Variants in CHL1 observed in about 807,000 individuals in gnomAD.
CHL1 encodes cell adhesion molecule L1 like, also known as neural cell adhesion molecule L1-like protein.
In CHL1, 96 loss-of-function variants were observed where a neutral mutation model predicts 141.9. That is an observed-to-expected ratio of 0.68 (90% confidence interval 0.57 to 0.80). The LOEUF is 0.80. Ranked by LOEUF, CHL1 falls within the 30% of genes least tolerant of loss-of-function variation. The pLI, the probability that CHL1 is intolerant of heterozygous loss-of-function variation, is 0.00. For synonymous variants in CHL1, 613 were observed against 502.2 expected (o/e 1.22, Z -2.95); for missense variants, 1,820 against 1,457.2 (o/e 1.25, Z -4.05).
chr3:307,136 G>A (rs1463796136), intron 2 of CHL1, among the ~76,000 whole-genome samples: 2 of 152,072 alleles, frequency 1.3e-5, no homozygotes, highest in Non-Finnish European at 2.9e-5. Context: ...ACTTTTTATA[G>A]GTATCAATAT....
intron 2 of CHL1, among the ~76,000 whole-genome samples, chr3:257,461 C>A (rs1333540518): frequency 6.6e-6 from 1 of 151,466 alleles, no homozygotes; most frequent in East Asian, 1.9e-4. Context: ...TCAAGCAATT[C>A]CCCTGCCTCA....
At chr3:312,315 T>C (rs1699820346) in intron 2 of CHL1, among the ~76,000 whole-genome samples, 1 of 152,222 alleles carries the variant, frequency 6.6e-6, no homozygotes, top group African/African-American at 2.4e-5. Flanking sequence ...AGTTCTTTTG[T>C]CGTGTCACTG....
intron 2 of CHL1, among the ~76,000 whole-genome samples, chr3:262,509 A>G (rs1321071961): frequency 7.9e-6 from 1 of 126,144 alleles, no homozygotes. Context: ...TCACACGTTT[A>G]AGCCTAGATC....
Position 322,662 on chromosome 3 carries a change from AT to A in CHL1, c.91+2796del, listed in dbSNP as rs1559252897. On this transcript the variant is annotated intron_variant, in intron 3 of 27. Transcript: ENST00000256509. ...ATATATAAAATATATATATATATAT[AT>A]ATATATAATTATATATATATATATA... Among the ~76,000 whole-genome samples, 922 of 138,912 alleles carry A rather than the reference AT, an allele frequency of 6.6e-3. 8 individuals are homozygous for A. The highest frequency in any genetic ancestry group is 0.023 in the African/African-American group (861 of 36,770). 91.1% of individuals were successfully genotyped at this position (138,912 alleles called of 152,430 possible).
In CHL1 at chr3:226,757, A is replaced by G. The variant is rs976286453; in HGVS notation, c.-174-17856A>G. Among the ~76,000 whole-genome samples the G allele has an allele frequency of 2.6e-5, 4 of 151,938 alleles. No homozygotes were observed. In the East Asian group the frequency reaches 5.8e-4, roughly 22 times the overall value. On this transcript the variant is annotated intron_variant, in intron 1 of 27. Coordinates refer to ENST00000256509, the MANE Select transcript of CHL1 (RefSeq NM_006614.4). ...CCACCGCGCCCGACCTGTAGTACCT[A>G]TATTTTTTATTTTTCTCCAATCTTT...
chr3:213,008 G>T (rs1363872903), intron 1 of CHL1, among the ~76,000 whole-genome samples: 1 of 152,136 alleles, frequency 6.6e-6, no homozygotes, highest in African/African-American at 2.4e-5. Flanking sequence ...AGTGTCAACG[G>T]CAAACAATGA....
At chr3:239,055 G>A (rs2125079564) in intron 1 of CHL1, among the ~76,000 whole-genome samples, 1 of 152,244 alleles carries the variant, frequency 6.6e-6, no homozygotes, top group African/African-American at 2.4e-5. Context: ...ACCACGTGGG[G>A]TACTGTGTGA....
intron 2 of CHL1, among the ~76,000 whole-genome samples, chr3:284,263 C>T (rs1261854561): frequency 6.6e-6 from 1 of 152,096 alleles, no homozygotes. Context: ...TCTGAGGTGA[C>T]ATTTAAGGTG....
intron 2 of CHL1, among the ~76,000 whole-genome samples, chr3:305,297 A>G (rs1252312895): frequency 6.6e-6 from 1 of 152,172 alleles, no homozygotes; most frequent in Non-Finnish European, 1.5e-5. Flanking sequence ...TTCAATGACG[A>G]CAGTATTATC....
At chr3:266,472 G>T (rs1695162512) in intron 2 of CHL1, among the ~76,000 whole-genome samples, 1 of 152,118 alleles carries the variant, frequency 6.6e-6, no homozygotes, top group Non-Finnish European at 1.5e-5. Flanking sequence ...AGTTTCTTTG[G>T]AATTAATAAA....
chr3:320,392 T>C (rs150648440), intron 3 of CHL1, among the ~76,000 whole-genome samples: 2 of 152,036 alleles, frequency 1.3e-5, no homozygotes, highest in African/African-American at 4.8e-5. Flanking sequence ...TAGTGTGAAT[T>C]CATATTAAGA....
At chr3:226,436 TTTA>T (rs1314064305) in intron 1 of CHL1, among the ~76,000 whole-genome samples, 4 of 147,540 alleles carry the variant, frequency 2.7e-5, no homozygotes, top group Admixed American at 6.8e-5. Flanking sequence ...ATTTTTTAAT[TTTA>T]TTATTATTAT....
At chr3:257,327 C>G (rs1694261670) in intron 2 of CHL1, among the ~76,000 whole-genome samples, 3 of 151,594 alleles carry the variant, frequency 2.0e-5, no homozygotes. Context: ...ATTTTTAACA[C>G]CATCTCCTTT....
At chr3:318,256 C>T (rs1035654779) in intron 2 of CHL1, among the ~76,000 whole-genome samples, 4 of 151,754 alleles carry the variant, frequency 2.6e-5, no homozygotes, top group South Asian at 2.1e-4. Context: ...AGATACAGGT[C>T]TATAATATCT....
At chr3:214,485 T>G (rs1032738708) in intron 1 of CHL1, among the ~76,000 whole-genome samples, 7 of 152,226 alleles carry the variant, frequency 4.6e-5, no homozygotes, top group Admixed American at 6.5e-5. Flanking sequence ...GAGACATCAG[T>G]GTTACGTGCT....
At chr3:234,545 A>C (rs181204583) in intron 1 of CHL1, among the ~76,000 whole-genome samples, 86 of 152,290 alleles carry the variant, frequency 5.6e-4, no homozygotes, top group Non-Finnish European at 9.7e-4. Flanking sequence ...AGTGATATTT[A>C]AAGGAAAACA....
At chr3:345,164 A>G (rs1394294243) in intron 9 of CHL1, among the ~76,000 whole-genome samples, 3 of 152,126 alleles carry the variant, frequency 2.0e-5, no homozygotes, top group Admixed American at 2.0e-4. Context: ...GATGATGATA[A>G]CATTCTCCTT....
At chr3:338,228 A>G (rs1702086630) in intron 5 of CHL1, among the ~76,000 whole-genome samples, 1 of 152,236 alleles carries the variant, frequency 6.6e-6, no homozygotes, top group African/African-American at 2.4e-5. Context: ...AGTCTTGTTG[A>G]AACAAAGTTA....
intron 1 of CHL1, among the ~76,000 whole-genome samples, chr3:233,592 T>C (rs983581719): frequency 6.6e-6 from 1 of 152,182 alleles, no homozygotes; most frequent in Non-Finnish European, 1.5e-5. Context: ...TGGTAGCAAG[T>C]TGATGTTTTT....
Sources: gnomAD v4.1 joint callset for allele counts (sites outside exome capture counted in the v4.1 genomes callset) on GRCh38, gnomAD v4.1.1 for gene constraint, MANE v1.5 for transcripts, NCBI Gene and HGNC (gene_info 2026-07-23, HGNC 2026-07-21) for gene names.